Variants in RUNX1 observed in about 807,000 individuals in gnomAD.
The protein encoded by RUNX1 is runt-related transcription factor 1.
Under a neutral mutation model 42.8 loss-of-function variants are expected in RUNX1, and 19 were observed. The ratio of observed to expected loss-of-function variants is 0.44; its 90% confidence interval spans 0.31 to 0.65. The LOEUF (loss-of-function observed/expected upper bound fraction) is 0.65, where lower values mean the gene tolerates loss of function less well. Among genes scored for constraint, RUNX1 ranks in the 30% least tolerant of loss-of-function variants. RUNX1 has a pLI of 0.07. For synonymous variants in RUNX1, 271 were observed against 289.4 expected (o/e 0.94, Z 0.64); for missense variants, 528 against 672.0 (o/e 0.79, Z 2.37).
chr21:34,888,889 G>A (rs1224839743), intron 3 of RUNX1, among the ~76,000 whole-genome samples: 2 of 151,680 alleles, frequency 1.3e-5, no homozygotes, highest in Non-Finnish European at 2.9e-5. Context: ...ACTGTACGCA[G>A]CCCGGGCGGG....
chr21:34,963,149 A>G (rs2058693280), intron 2 of RUNX1, among the ~76,000 whole-genome samples: 1 of 152,232 alleles, frequency 6.6e-6, no homozygotes, highest in Non-Finnish European at 1.5e-5. Context: ...CCCAGCAGGC[A>G]GCACAGAAGA....
chr21:34,925,020 C>T (rs940684656), intron 2 of RUNX1, among the ~76,000 whole-genome samples: 1 of 152,204 alleles, frequency 6.6e-6, no homozygotes, highest in Admixed American at 6.5e-5. Context: ...AATACCATCA[C>T]ATGGGGTGTT....
intron 7 of RUNX1, among the ~76,000 whole-genome samples, chr21:34,812,759 A>C (rs957501733): frequency 6.6e-6 from 1 of 152,198 alleles, no homozygotes; most frequent in African/African-American, 2.4e-5. Context: ...AGCAGTGGGA[A>C]ACCTCCCTCC....
intron 2 of RUNX1, among the ~76,000 whole-genome samples, chr21:35,033,426 T>C (rs1372541301): frequency 1.3e-5 from 2 of 152,276 alleles, no homozygotes; most frequent in Non-Finnish European, 2.9e-5. Flanking sequence ...GAAGTATTAC[T>C]GCTTCAGGGA....
intron 5 of RUNX1, among the ~76,000 whole-genome samples, chr21:34,873,865 C>T (rs1350405682): frequency 2.6e-5 from 4 of 152,174 alleles, no homozygotes; most frequent in Admixed American, 6.5e-5. Context: ...ATGCGCGCTG[C>T]CTGAAGTCCA....
intron 2 of RUNX1, among the ~76,000 whole-genome samples, chr21:34,993,708 GAC>G (rs1350755047): frequency 1.4e-4 from 8 of 55,392 alleles, no homozygotes; most frequent in South Asian, 8.9e-4. Flanking sequence ...CACACACACA[GAC>G]ACACACAGGC....
intron 7 of RUNX1, chr21:34,821,774 T>C: frequency 7.9e-7 from 1 of 1,268,218 alleles, no homozygotes; most frequent in Non-Finnish European, 1.1e-6. Flanking sequence ...TGCATTCCCC[T>C]CCCCTACCCC....
intron 2 of RUNX1, among the ~76,000 whole-genome samples, chr21:34,940,998 A>C (rs1013527330): frequency 2.6e-5 from 4 of 152,202 alleles, no homozygotes; most frequent in Admixed American, 6.5e-5. Flanking sequence ...ACTGCCATAG[A>C]AGAATTGTGG....
intron 4 of RUNX1, among the ~76,000 whole-genome samples, chr21:34,885,241 T>A (rs1016735213): frequency 5.3e-5 from 8 of 152,176 alleles, no homozygotes; most frequent in Non-Finnish European, 1.2e-4. Context: ...CTTTGGTGGT[T>A]ATCAGCCCGT....
chr21:34,849,406 TATATA>T lies in RUNX1; in HGVS notation c.613+10063_613+10067del, dbSNP rs1490708084. 6.1e-4 allele frequency among the ~76,000 whole-genome samples: 35 copies of T among 57,638 alleles called. 2 individuals are homozygous for T. Among genetic ancestry groups the T allele is most frequent in the South Asian group, 1.3e-3 (3 of 2,390 alleles). 37.8% of individuals were successfully genotyped at this position (57,638 alleles called of 152,430 possible). Reference sequence around the variant, plus strand: ...ATAGTATATATAATATATTATACTATATATAATATATTATATAGTATATATATTAT... The same window carrying T: ...ATAGTATATATAATATATTATACTATATATATTATATAGTATATATATTAT... On this transcript the variant is annotated intron_variant, in intron 6 of 8. Transcript: ENST00000675419.
intron 2 of RUNX1, among the ~76,000 whole-genome samples, chr21:35,043,910 T>C (rs1477812089): frequency 6.6e-6 from 1 of 152,186 alleles, no homozygotes; most frequent in Non-Finnish European, 1.5e-5. Flanking sequence ...CTCAAAGGTA[T>C]ACAGGCAAAA....
chr21:34,955,537 T>G (rs1227170881), intron 2 of RUNX1, among the ~76,000 whole-genome samples: 2 of 152,178 alleles, frequency 1.3e-5, no homozygotes, highest in East Asian at 1.9e-4. Context: ...GCACACTGAA[T>G]GTAACCCGAT....
intron 7 of RUNX1, among the ~76,000 whole-genome samples, chr21:34,807,802 C>T (rs2056700623): frequency 6.6e-6 from 1 of 152,204 alleles, no homozygotes; most frequent in Admixed American, 6.5e-5. Flanking sequence ...CTAGGCTCCC[C>T]TTGCAGACAA....
At chr21:34,937,295 C>T (rs2058492979) in intron 2 of RUNX1, among the ~76,000 whole-genome samples, 1 of 144,218 alleles carries the variant, frequency 6.9e-6, no homozygotes. Flanking sequence ...TGGGAACATG[C>T]CATTGTAACA....
intron 7 of RUNX1, among the ~76,000 whole-genome samples, chr21:34,806,264 A>G (rs1249297642): frequency 6.6e-6 from 1 of 152,234 alleles, no homozygotes; most frequent in Non-Finnish European, 1.5e-5. Context: ...AAATATTTAT[A>G]CAGATTACAA....
chr21:34,881,245 C>G (rs925705566), intron 4 of RUNX1, among the ~76,000 whole-genome samples: 4 of 152,136 alleles, frequency 2.6e-5, no homozygotes, highest in Non-Finnish European at 5.9e-5. Flanking sequence ...ACAGGCTGAA[C>G]AAGGTGCAGA....
intron 2 of RUNX1, among the ~76,000 whole-genome samples, chr21:35,039,506 A>G (rs2059342071): frequency 2.0e-5 from 3 of 152,226 alleles, no homozygotes; most frequent in African/African-American, 7.2e-5. Flanking sequence ...AACTATATAT[A>G]TACATAACTC....
intron 7 of RUNX1, among the ~76,000 whole-genome samples, chr21:34,804,496 T>A (rs2056651998): frequency 6.6e-6 from 1 of 152,120 alleles, no homozygotes; most frequent in Admixed American, 6.5e-5. Flanking sequence ...TAACTCACGC[T>A]AAAGGCCTAC....
intron 2 of RUNX1, among the ~76,000 whole-genome samples, chr21:34,965,894 C>T (rs1302665650): frequency 6.6e-6 from 1 of 152,208 alleles, no homozygotes; most frequent in Non-Finnish European, 1.5e-5. Context: ...CCTGGTGACA[C>T]CTGTGTGGCC....
Sources: allele counts gnomAD v4.1 joint callset (sites outside exome capture counted in the v4.1 genomes callset), GRCh38; gene constraint gnomAD v4.1.1; transcripts MANE v1.5; gene names NCBI Gene and HGNC (gene_info 2026-07-23, HGNC 2026-07-21).